The following ZNF654 variants were observed in gnomAD, a reference collection of about 807,000 sequenced individuals.
The protein encoded by ZNF654 is zinc finger protein 654, also known as melanoma-associated antigen.
ZNF654 carries 19 observed loss-of-function variants against 95.3 expected under a neutral mutation model. That is an observed-to-expected ratio of 0.20 (90% CI 0.14 to 0.29). ZNF654 has a LOEUF of 0.29. ZNF654 is among the 10% of genes least tolerant of loss of function. ZNF654 has a pLI of 1.00. For missense variants in ZNF654, 1,046 were observed against 1,341.0 expected, an observed-to-expected ratio of 0.78 and a Z score of 3.44; for synonymous variants, 413 against 457.9, an observed-to-expected ratio of 0.90 and a Z score of 1.25.
intron 2 of ZNF654, among the ~76,000 whole-genome samples, chr3:88,109,384 A>C (rs993662865): frequency 1.3e-5 from 2 of 152,142 alleles, no homozygotes; most frequent in Admixed American, 1.3e-4. Context: ...TTAAAAGTTG[A>C]GTGTTTTAAA....
At chr3:88,112,591 C>T (rs575488775) in intron 2 of ZNF654, among the ~76,000 whole-genome samples, 4 of 152,070 alleles carry the variant, frequency 2.6e-5, no homozygotes, top group East Asian at 1.9e-4. Flanking sequence ...GTGTGAGGAA[C>T]CATGTGTCAT....
intron 3 of ZNF654, among the ~76,000 whole-genome samples, chr3:88,118,336 TCAAC>T (rs1705539641): frequency 1.3e-5 from 2 of 150,504 alleles, no homozygotes; most frequent in African/African-American, 5.0e-5. Flanking sequence ...AGCAGGAGGC[TCAAC>T]GCTATCTCAC....
At chr3:88,114,955 A>C (rs752213046) in intron 3 of ZNF654, among the ~76,000 whole-genome samples, 1 of 152,242 alleles carries the variant, frequency 6.6e-6, no homozygotes, top group Non-Finnish European at 1.5e-5. Flanking sequence ...AATATTTTTC[A>C]TAAATTATAC....
chr3:88,062,530 G>A (rs4858981), intron 1 of ZNF654, among the ~76,000 whole-genome samples: 114,180 of 152,106 alleles, frequency 0.75, 44,803 homozygotes, highest in South Asian at 0.91. Context: ...TGTCTGACTT[G>A]TTAAGTGCTG....
intron 8 of ZNF654, 106 bp from the exon 9 acceptor site, chr3:88,141,539 T>C (rs1433178094): frequency 7.8e-6 from 6 of 765,132 alleles, no homozygotes; most frequent in South Asian, 3.6e-5. Flanking sequence ...TCTACTAATA[T>C]CAATATCCTT....
chr3:88,086,389 A>G lies in ZNF654; in HGVS notation c.319A>G (p.Ser107Gly). Residue 107 changes from serine to glycine, a missense_variant, in exon 2 of 9, where the codon AGT (serine) becomes GGT (glycine). Physicochemically the swap from Ser to Gly is moderately conservative, Grantham distance 56. This residue lies in a region of ZNF654 where 91 missense variants were observed against 190.5 expected (regional missense o/e 0.48). Transcript: ENST00000636215. ...ATGTGAGCATGTACAATATGTTTTG[A>G]GTAGCCTTGCTGTGTAAGTACTTTT... ...DECEHVQYVL[S>G]SLAVSFFELL... 3 of 1,531,804 alleles carry G rather than the reference A, an allele frequency of 2.0e-6. No homozygotes were observed. The highest frequency in any genetic ancestry group is 2.7e-5 in the African/African-American group (2 of 73,060). 94.9% of individuals were successfully genotyped at this position (1,531,804 alleles called of 1,614,324 possible). A position where few individuals can be genotyped will look rare whatever the true frequency, so the allele number is the denominator to read the frequency against.
At chr3:88,125,298 A>C (rs529614673) in intron 3 of ZNF654, among the ~76,000 whole-genome samples, 176 of 152,252 alleles carry the variant, frequency 1.2e-3, no homozygotes, top group Non-Finnish European at 1.9e-3. Context: ...AACTATACAG[A>C]TCTTATAAAT....
At chr3:88,070,570 T>G (rs1481505144) in intron 1 of ZNF654, among the ~76,000 whole-genome samples, 3 of 20,590 alleles carry the variant, frequency 1.5e-4, no homozygotes, top group East Asian at 4.3e-3. Flanking sequence ...CCTGTTTTTT[T>G]TTTTTTTTTT....
chr3:88,060,853 A>C (rs1475531788), intron 1 of ZNF654, among the ~76,000 whole-genome samples: 4 of 152,112 alleles, frequency 2.6e-5, no homozygotes, highest in Non-Finnish European at 4.4e-5. Flanking sequence ...CATTGAAAGA[A>C]AAAGGATGGA....
chr3:88,130,617 A>AT (rs10674029), intron 6 of ZNF654, among the ~76,000 whole-genome samples: 18,223 of 129,006 alleles, frequency 0.14, 1,449 homozygotes, highest in African/African-American at 0.15. Flanking sequence ...TGCCCAGCTA[A>AT]TTTTTTTTTT....
At chr3:88,083,941 T>TATATATATATATATATATA (rs1708208971) in intron 1 of ZNF654, among the ~76,000 whole-genome samples, 26 of 147,782 alleles carry the variant, frequency 1.8e-4, no homozygotes, top group Non-Finnish European at 3.3e-4. Context: ...TGTACTTATT[T>TATATATATATATATATATA]TATATATATA....
At chr3:88,127,037 C>G (rs1693701666) in intron 4 of ZNF654, among the ~76,000 whole-genome samples, 1 of 152,056 alleles carries the variant, frequency 6.6e-6, no homozygotes, top group South Asian at 2.1e-4. Context: ...CATTCCTGAA[C>G]CCCAGAACAT....
intron 3 of ZNF654, among the ~76,000 whole-genome samples, chr3:88,119,200 C>T (rs1409003554): frequency 6.8e-6 from 1 of 147,396 alleles, no homozygotes; most frequent in African/African-American, 2.5e-5. Context: ...GAATACTATG[C>T]AGCCATAAAA....
At chr3:88,110,633 A>G (rs1355015925) in intron 2 of ZNF654, among the ~76,000 whole-genome samples, 2 of 152,036 alleles carry the variant, frequency 1.3e-5, no homozygotes, top group Non-Finnish European at 2.9e-5. Flanking sequence ...TTGGGCTTCT[A>G]CTTTATACTA....
intron 1 of ZNF654, among the ~76,000 whole-genome samples, chr3:88,078,907 A>G (rs1707945543): frequency 1.3e-5 from 2 of 152,054 alleles, no homozygotes; most frequent in Non-Finnish European, 2.9e-5. Flanking sequence ...ATTCTCTGTG[A>G]ATTTTTTTTT....
intron 8 of ZNF654, 125 bp from the exon 9 acceptor site, chr3:88,141,520 G>A (rs1482347921): frequency 6.7e-6 from 4 of 601,312 alleles, no homozygotes; most frequent in South Asian, 6.4e-5. Context: ...CAGAAAAAGA[G>A]CTTGTCTGTC....
At chr3:88,084,150 G>C (rs1708224642) in intron 1 of ZNF654, among the ~76,000 whole-genome samples, 1 of 152,108 alleles carries the variant, frequency 6.6e-6, no homozygotes, top group Admixed American at 6.5e-5. Context: ...TGTTAGGTTT[G>C]GCCTCAGCTA....
At chr3:88,059,531 C>T (rs1444699501) in intron 1 of ZNF654, 26 bp downstream of exon 1, 3 of 1,459,218 alleles carry the variant, frequency 2.1e-6, no homozygotes, top group Non-Finnish European at 2.7e-6. Context: ...GCCGCCCCGA[C>T]TTGTCACCCG....
chr3:88,116,726 G>A (rs919452453), intron 3 of ZNF654, among the ~76,000 whole-genome samples: 1 of 151,906 alleles, frequency 6.6e-6, no homozygotes, highest in African/African-American at 2.4e-5. Context: ...ATTACCCAGA[G>A]GTAAGAAAGT....
Sources: gnomAD v4.1 joint callset for allele counts (sites outside exome capture counted in the v4.1 genomes callset) on GRCh38, gnomAD v4.1.1 for gene constraint, gnomAD v4.1.1 regional missense constraint, MANE v1.5 for transcripts, NCBI Gene and HGNC (gene_info 2026-07-23, HGNC 2026-07-21) for gene names.